Variants in ATP8A2 observed in about 807,000 individuals in gnomAD.
ATP8A2 encodes the protein phospholipid-transporting ATPase IB.
In ATP8A2, 100 loss-of-function variants were observed where a neutral mutation model predicts 165.6. That is an observed-to-expected ratio of 0.60 (90% CI 0.51 to 0.71). The LOEUF (loss-of-function observed/expected upper bound fraction) is 0.71. Among genes scored for constraint, ATP8A2 ranks in the 30% least tolerant of loss-of-function variants. The probability of loss-of-function intolerance (pLI) is 0.00; values close to 1 mark genes in which losing one functional copy is unlikely to be tolerated. For missense variants in ATP8A2, 1,227 were observed against 1,479.5 expected (o/e 0.83, Z 2.80); for synonymous variants, 543 against 548.8 (o/e 0.99, Z 0.15).
At chr13:25,913,484 C>T (rs1248897316) in intron 33 of ATP8A2, among the ~76,000 whole-genome samples, 1 of 152,018 alleles carries the variant, frequency 6.6e-6, no homozygotes, top group Non-Finnish European at 1.5e-5. Context: ...GGAAGGAGAC[C>T]ATTTAAGCAA....
chr13:25,883,839 G>C (rs190811950), intron 33 of ATP8A2, among the ~76,000 whole-genome samples: 3 of 152,160 alleles, frequency 2.0e-5, no homozygotes, highest in Non-Finnish European at 4.4e-5. Flanking sequence ...TGCAAGTCAG[G>C]GTCATGCAGG....
At chr13:25,546,757 T>C (rs1246347186) in intron 10 of ATP8A2, among the ~76,000 whole-genome samples, 1 of 152,194 alleles carries the variant, frequency 6.6e-6, no homozygotes, top group East Asian at 1.9e-4. Context: ...AGGTAGTATG[T>C]GCTCATTTTA....
intron 10 of ATP8A2, among the ~76,000 whole-genome samples, chr13:25,548,763 G>C (rs552038780): frequency 9.2e-5 from 14 of 152,276 alleles, no homozygotes; most frequent in African/African-American, 3.4e-4. Context: ...TAGAAATAAA[G>C]GAAAAAGCTG....
rs559939366 is a variant in ATP8A2 at position 25,415,464 on chromosome 13, C to T, written c.76+43176C>T. The stretch of plus-strand genomic sequence containing the variant: ...GCTCCCTTCCTCAACCATTTATTCT[C>T]TAGCCTACAGCAGATTGAGCCTTTG... On this transcript the variant is annotated intron_variant, in intron 1 of 36. Coordinates refer to ENST00000381655, the MANE Select transcript of ATP8A2 (RefSeq NM_016529.6). Among the ~76,000 whole-genome samples the T allele has an allele frequency of 2.6e-5, 4 of 152,364 alleles. No homozygotes were observed. The South Asian group carries it at 8.3e-4, about 32-fold the overall frequency.
intron 2 of ATP8A2, among the ~76,000 whole-genome samples, chr13:25,504,939 C>A (rs374263560): frequency 2.0e-5 from 3 of 152,018 alleles, no homozygotes; most frequent in Non-Finnish European, 4.4e-5. Context: ...CTATTAACTT[C>A]GGTTTGTATT....
At chr13:25,972,187 G>T (rs912194143) in intron 35 of ATP8A2, among the ~76,000 whole-genome samples, 1 of 152,134 alleles carries the variant, frequency 6.6e-6, no homozygotes, top group East Asian at 1.9e-4. Context: ...TTCTCTCTGT[G>T]CCTTTTATTC....
At chr13:25,555,777 A>G (rs1466068319) in intron 13 of ATP8A2, among the ~76,000 whole-genome samples, 1 of 151,716 alleles carries the variant, frequency 6.6e-6, no homozygotes, top group Non-Finnish European at 1.5e-5. Flanking sequence ...GCTTTTCCCC[A>G]ACCCCATCTA....
chr13:26,017,456 TA>T (rs1957003327), intron 36 of ATP8A2, among the ~76,000 whole-genome samples: 1 of 152,168 alleles, frequency 6.6e-6, no homozygotes. Context: ...TGGACTGCAG[TA>T]AAAATGCTTC....
At chr13:25,382,758 C>T (rs2032883430) in intron 1 of ATP8A2, among the ~76,000 whole-genome samples, 1 of 148,422 alleles carries the variant, frequency 6.7e-6, no homozygotes. Context: ...GATCTTTTGT[C>T]CTTTTTTTTT....
chr13:25,755,227 A>G (rs1385258412), intron 25 of ATP8A2, among the ~76,000 whole-genome samples: 1 of 152,190 alleles, frequency 6.6e-6, no homozygotes, highest in Non-Finnish European at 1.5e-5. Context: ...AAATGATGGT[A>G]CTATCACAAT....
chr13:25,990,927 C>T (rs1036441959), intron 35 of ATP8A2, among the ~76,000 whole-genome samples: 2 of 152,160 alleles, frequency 1.3e-5, no homozygotes, highest in Admixed American at 6.5e-5. Flanking sequence ...CTAGCAGCCC[C>T]GTGACTCCAA....
chr13:25,859,616 A>G (rs1451116986), intron 30 of ATP8A2, among the ~76,000 whole-genome samples: 2 of 152,058 alleles, frequency 1.3e-5, no homozygotes, highest in African/African-American at 2.4e-5. Context: ...TCCTTCTTCT[A>G]TTTTCTAAAC....
At chr13:25,853,394 A>ATATATATATATAT (rs1555278528) in intron 30 of ATP8A2, among the ~76,000 whole-genome samples, 16 of 11,642 alleles carry the variant, frequency 1.4e-3, no homozygotes, top group East Asian at 5.5e-3. Context: ...CTATCTAAAA[A>ATATATATATATAT]AAATATATAT....
intron 24 of ATP8A2, among the ~76,000 whole-genome samples, chr13:25,664,318 G>A (rs1593161034): frequency 1.3e-5 from 2 of 152,242 alleles, no homozygotes; most frequent in African/African-American, 4.8e-5. Context: ...ATATTGATTA[G>A]GTTGTAAGAG....
chr13:25,995,600 TTC>T (rs1956483069), intron 35 of ATP8A2, among the ~76,000 whole-genome samples: 2 of 152,212 alleles, frequency 1.3e-5, no homozygotes, highest in African/African-American at 2.4e-5. Context: ...TTGAAGATTT[TTC>T]TGTTATCTTT....
intron 1 of ATP8A2, among the ~76,000 whole-genome samples, chr13:25,441,479 G>A (rs1325153587): frequency 6.6e-6 from 1 of 152,196 alleles, no homozygotes; most frequent in Non-Finnish European, 1.5e-5. Context: ...GAGGAAGTCA[G>A]TGCGGCGTGG....
At chr13:25,687,911 G>A (rs566795712) in intron 24 of ATP8A2, among the ~76,000 whole-genome samples, 2 of 152,210 alleles carry the variant, frequency 1.3e-5, no homozygotes, top group South Asian at 4.1e-4. Context: ...AAAAATTCAA[G>A]TATGCTATTT....
chr13:25,507,249 GTGTGTGTGTGTGTGTA>G (rs879303480), intron 2 of ATP8A2, among the ~76,000 whole-genome samples: 2,956 of 88,036 alleles, frequency 0.034, 42 homozygotes, highest in Non-Finnish European at 0.05. Flanking sequence ...GTGTGTGTGT[GTGTGTGTGTGTGTGTA>G]TTTTGTTGTT....
intron 30 of ATP8A2, among the ~76,000 whole-genome samples, chr13:25,847,544 A>G (rs1593441893): frequency 6.6e-6 from 1 of 152,174 alleles, no homozygotes; most frequent in East Asian, 1.9e-4. Flanking sequence ...GTAATGTTGT[A>G]AGAAGTGTGA....
Sources: allele counts gnomAD v4.1 joint callset (sites outside exome capture counted in the v4.1 genomes callset), GRCh38; gene constraint gnomAD v4.1.1; transcripts MANE v1.5; gene names NCBI Gene and HGNC (gene_info 2026-07-23, HGNC 2026-07-21).